Variants in UGT2A3 observed in about 807,000 individuals in gnomAD.
UGT2A3 encodes UDP glucuronosyltransferase family 2 member A3, also known as UDP-glucuronosyltransferase 2A3.
In UGT2A3, 55 loss-of-function variants were observed where a neutral mutation model predicts 44.1. The ratio of observed to expected loss-of-function variants is 1.25; its 90% CI spans 1.00 to 1.56. The LOEUF (loss-of-function observed/expected upper bound fraction) is 1.56. Ranked by LOEUF, UGT2A3 falls within the 40% of genes most tolerant of loss-of-function variation. UGT2A3 has a pLI of 0.00. For synonymous variants in UGT2A3, 243 were observed against 215.1 expected (o/e 1.13, Z -1.13); for missense variants, 733 against 621.6 (o/e 1.18, Z -1.91).
At chr4:68,934,102 T>C (rs1377614093) in intron 2 of UGT2A3, among the ~76,000 whole-genome samples, 2 of 151,918 alleles carry the variant, frequency 1.3e-5, no homozygotes, top group East Asian at 3.9e-4. Flanking sequence ...AAAATTTCAA[T>C]AATGCACCAA....
chr4:68,942,820 A>G (rs984346076), intron 2 of UGT2A3, among the ~76,000 whole-genome samples: 1 of 151,572 alleles, frequency 6.6e-6, no homozygotes, highest in Non-Finnish European at 1.5e-5. Flanking sequence ...TTGGAAGAAT[A>G]TGTTCTGTTA....
At chr4:68,949,764 G>A (rs565854822) in intron 1 of UGT2A3, among the ~76,000 whole-genome samples, 1 of 151,924 alleles carries the variant, frequency 6.6e-6, no homozygotes, top group South Asian at 2.1e-4. Context: ...TTTTCCTATA[G>A]TTGTTTGAAT....
intron 2 of UGT2A3, among the ~76,000 whole-genome samples, chr4:68,938,041 C>A (rs1718022302): frequency 6.6e-6 from 1 of 151,978 alleles, no homozygotes; most frequent in South Asian, 2.1e-4. Context: ...GGAACAATAA[C>A]AGCCTCAGAA....
intron 1 of UGT2A3, among the ~76,000 whole-genome samples, chr4:68,947,978 T>C (rs1374751641): frequency 6.6e-6 from 1 of 151,864 alleles, no homozygotes; most frequent in East Asian, 2.0e-4. Flanking sequence ...CCTCTATAAT[T>C]ATTACAAAAA....
chr4:68,934,408 A>G (rs1227306140), intron 2 of UGT2A3, among the ~76,000 whole-genome samples: 1 of 151,976 alleles, frequency 6.6e-6, no homozygotes, highest in East Asian at 1.9e-4. Context: ...TATTTAACAA[A>G]GATTAGAGCA....
intron 2 of UGT2A3, among the ~76,000 whole-genome samples, chr4:68,942,980 C>T (rs1718254902): frequency 6.6e-6 from 1 of 151,652 alleles, no homozygotes; most frequent in African/African-American, 2.4e-5. Context: ...TATTACACAA[C>T]ATTTAAATGT....
In UGT2A3 at chr4:68,951,550, C is replaced by G. The variant is rs202233736; in HGVS notation, c.211G>C (p.Ala71Pro). 3 of 1,612,886 alleles carry G rather than the reference C, an allele frequency of 1.9e-6. No individual in the cohort carries two copies. Among genetic ancestry groups the G allele is most frequent in the Admixed American group, 1.7e-5 (1 of 59,820 alleles). The change falls in exon 1 of 6, where the codon GCA (alanine) becomes CCA (proline). Residue 71 changes from alanine (A) to proline (P), a missense_variant. Transcript: ENST00000251566. ...PSLIDYRKPS[A>P]LKFEVVHMPQ... ...ATATGGACCACCTCAAATTTCAATG[C>G]AGAAGGCTTCCTGTAGTCAATTAAC...
At chr4:68,950,566 A>G (rs550568199) in intron 1 of UGT2A3, among the ~76,000 whole-genome samples, 4 of 152,010 alleles carry the variant, frequency 2.6e-5, no homozygotes, top group African/African-American at 9.6e-5. Flanking sequence ...AAGTCTTTTA[A>G]CTTTTTATAA....
At position 68,929,840 on chromosome 4, in the gene UGT2A3, T is replaced by G; in HGVS notation, c.1557A>C (p.Lys519Asn). ...ATTCCCTCTTTTCTATCTTTCTAGT[T>G]TTATTAAATTTTTGACAGGAAAATA... Reference protein sequence around the residue: ...CFLFSCQKFNKTRKIEKRE With the variant: ...CFLFSCQKFNNTRKIEKRE Residue 519 changes from lysine to asparagine, a missense_variant, in exon 6 of 6, where the codon AAA (lysine) becomes AAC (asparagine). Transcript: ENST00000251566. 1 of 1,605,348 alleles carries G rather than the reference T, an allele frequency of 6.2e-7. No homozygotes were observed. The highest frequency in any genetic ancestry group is 2.2e-5 in the East Asian group (1 of 44,800).
chr4:68,950,469 A>T (rs1481690716), intron 1 of UGT2A3, among the ~76,000 whole-genome samples: 2 of 151,912 alleles, frequency 1.3e-5, no homozygotes, highest in Non-Finnish European at 2.9e-5. Context: ...ACAACTTTTT[A>T]TCAGTAAAGC....
At chr4:68,948,402 T>C (rs1334217273) in intron 1 of UGT2A3, among the ~76,000 whole-genome samples, 1 of 151,388 alleles carries the variant, frequency 6.6e-6, no homozygotes, top group Non-Finnish European at 1.5e-5. Context: ...TAAGGTGATG[T>C]TGTGGTTGGT....
At chr4:68,949,615 C>T (rs7692753) in intron 1 of UGT2A3, among the ~76,000 whole-genome samples, 110,759 of 151,782 alleles carry the variant, frequency 0.73, 42,041 homozygotes, top group Non-Finnish European at 0.86. Flanking sequence ...ATTAGCTTGA[C>T]TCAAGGTTTT....
Position 68,951,255 on chromosome 4 carries a change from G to A in UGT2A3, c.506C>T (p.Thr169Ile), listed in dbSNP as rs1718577254. The A allele has an allele frequency of 1.9e-6, 3 of 1,611,570 alleles. No homozygotes were observed. Among genetic ancestry groups the A allele is most frequent in the Admixed American group, 1.7e-5 (1 of 59,658 alleles). The change falls in exon 1 of 6, where the codon ACA becomes ATA. Residue 169 changes from threonine to isoleucine, a missense_variant. Physicochemically the swap from Thr to Ile is moderately conservative, Grantham distance 89. Transcript: ENST00000251566. ...ATTGCCTCCTACAGAAATTCTAAGT[G>A]TGAGCACAAAAGGGACTGCAAGCAA... ...AELLAVPFVL[T>I]LRISVGGNME...
chr4:68,936,071 C>G (rs1351765619), intron 2 of UGT2A3, among the ~76,000 whole-genome samples: 1 of 151,912 alleles, frequency 6.6e-6, no homozygotes, highest in East Asian at 1.9e-4. Context: ...TGTGAAAAGA[C>G]CAAATATATG....
chr4:68,945,507 G>T (rs1718354608), intron 1 of UGT2A3, 53 bp from the exon 2 acceptor site: 5 of 1,463,352 alleles, frequency 3.4e-6, no homozygotes, highest in South Asian at 1.4e-5. Flanking sequence ...ATAAAAAATT[G>T]TATCACTAAT....
In UGT2A3 at chr4:68,945,345, A is replaced by G. The variant is rs192651229; in HGVS notation, c.825T>C (p.Val275=). 17 of 1,611,556 alleles carry G rather than the reference A, an allele frequency of 1.1e-5. No homozygotes were observed. In the Admixed American group the frequency reaches 2.8e-4, roughly 27 times the overall value. The change falls in exon 2 of 6, where the codon GTT becomes GTC. Residue 275 remains valine, a synonymous_variant. Transcript: ENST00000251566. ...TGGCAGGTTTACAGTGCAATCCTCC[A>G]ACAAACTCAAAGTTAGGTTGGTATG... ...PQPYQPNFEF[V]GGLHCKPAKA...
intron 2 of UGT2A3, among the ~76,000 whole-genome samples, chr4:68,935,262 A>G (rs1560456820): frequency 8.2e-5 from 1 of 12,164 alleles, no homozygotes; most frequent in Non-Finnish European, 4.1e-4. Context: ...GGAGGTGTGT[A>G]TGTATGTATG....
At chr4:68,933,912 A>G (rs1717837429) in intron 2 of UGT2A3, among the ~76,000 whole-genome samples, 1 of 152,032 alleles carries the variant, frequency 6.6e-6, no homozygotes, top group African/African-American at 2.4e-5. Flanking sequence ...CTCAGAACAG[A>G]AAGAATCCTC....
At chr4:68,945,187 T>C in intron 2 of UGT2A3, 119 bp downstream of exon 2, 4 of 1,161,998 alleles carry the variant, frequency 3.4e-6, no homozygotes, top group Non-Finnish European at 4.9e-6. Context: ...GGAAAATAAA[T>C]ATGGAGCTGC....
Sources: gnomAD v4.1 joint callset for allele counts (sites outside exome capture counted in the v4.1 genomes callset) on GRCh38, gnomAD v4.1.1 for gene constraint, MANE v1.5 for transcripts, NCBI Gene and HGNC (gene_info 2026-07-23, HGNC 2026-07-21) for gene names.